The following TUT4 variants were observed in gnomAD, a reference collection of about 807,000 sequenced individuals.
TUT4 encodes terminal uridylyl transferase 4.
Under a neutral mutation model 192.2 loss-of-function variants are expected in TUT4, and 36 were observed. The ratio of observed to expected loss-of-function variants is 0.19; its 90% CI spans 0.14 to 0.25. TUT4 has a LOEUF of 0.25. Among genes scored for constraint, TUT4 ranks in the 10% least tolerant of loss-of-function variants. TUT4 has a pLI of 1.00. For missense variants in TUT4, 1,493 were observed against 1,957.2 expected (o/e 0.76, Z 4.47); for synonymous variants, 618 against 666.0 (o/e 0.93, Z 1.11).
intron 1 of TUT4, among the ~76,000 whole-genome samples, chr1:52,545,966 C>CAAA (rs71041901): frequency 0.062 from 4,481 of 72,194 alleles, 83 homozygotes; most frequent in South Asian, 0.11. Context: ...TACAAAAATA[C>CAAA]AAAAAAAAAA....
chr1:52,452,863 C>T (rs1170325718), intron 20 of TUT4, among the ~76,000 whole-genome samples: 1 of 152,186 alleles, frequency 6.6e-6, no homozygotes, highest in Non-Finnish European at 1.5e-5. Flanking sequence ...GTCAGAAGTT[C>T]TGGAGGGCCT....
Position 52,525,737 on chromosome 1 carries a change from T to C in TUT4, c.544A>G (p.Lys182Glu). 6.2e-7 allele frequency: 1 copy of C among 1,614,230 alleles called. No individual in the cohort carries two copies. The highest frequency in any genetic ancestry group is 1.3e-5 in the African/African-American group (1 of 75,068). ...RQKTELQQIGKKIPSSFTSVD... is the reference protein window; with the variant it reads ...RQKTELQQIGEKIPSSFTSVD... The stretch of plus-strand genomic sequence containing the variant: ...GAAGTAAAGGAGCTTGGAATTTTTT[T>C]TCCAATCTGTTGTAATTCTGTCTTC... Residue 182 changes from lysine (K) to glutamate (E), a missense_variant, in exon 2 of 30, where the codon AAA becomes GAA. Transcript: ENST00000257177.
At chr1:52,491,770 T>C (rs987198944) in intron 7 of TUT4, among the ~76,000 whole-genome samples, 1 of 151,544 alleles carries the variant, frequency 6.6e-6, no homozygotes, top group Admixed American at 6.6e-5. Flanking sequence ...TTCTCAATAG[T>C]ACTTGTTGTA....
chr1:52,461,080 T>C (rs1460950176), intron 19 of TUT4, 54 bp downstream of exon 19: 18 of 1,411,216 alleles, frequency 1.3e-5, no homozygotes, highest in Non-Finnish European at 1.7e-5. Context: ...ACATTAGTTA[T>C]GTTTCATTTT....
intron 20 of TUT4, among the ~76,000 whole-genome samples, chr1:52,450,791 C>T (rs1659150538): frequency 6.6e-6 from 1 of 152,122 alleles, no homozygotes; most frequent in African/African-American, 2.4e-5. Flanking sequence ...ATTTCTATTA[C>T]TTCATGCTAC....
Position 52,457,591 on chromosome 1 carries a change from G to T in TUT4, c.3435+745C>A, listed in dbSNP as rs79267973. 9.3e-3 allele frequency among the ~76,000 whole-genome samples: 1,415 copies of T among 152,242 alleles called. 8 individuals carry two copies. Among genetic ancestry groups the T allele is most frequent in the Non-Finnish European group, 0.014 (928 of 68,006 alleles). On this transcript the variant is annotated intron_variant, in intron 20 of 29. Transcript: ENST00000257177. ...CAAAGATTATGTGAAACCAGAATAT[G>T]TGACTTTTCCAACCAAGTCTGATGC...
intron 15 of TUT4, 112 bp from the exon 16 acceptor site, chr1:52,465,285 A>G: frequency 1.5e-6 from 1 of 675,290 alleles, no homozygotes; most frequent in Non-Finnish European, 2.4e-6. Flanking sequence ...TATGATTTAA[A>G]TTACCTACCA....
chr1:52,529,647 C>A (rs1301377525), intron 1 of TUT4: 1 of 152,094 alleles, frequency 6.6e-6, no homozygotes, highest in Non-Finnish European at 1.5e-5. Flanking sequence ...TGCTGATTCA[C>A]AATTTTGCTT....
chr1:52,493,714 C>T (rs769362572), intron 6 of TUT4, 52 bp from the exon 7 acceptor site: 3 of 1,144,716 alleles, frequency 2.6e-6, no homozygotes, highest in Non-Finnish European at 3.8e-6. Context: ...GTTCGGACAG[C>T]AGAACATTAA....
intron 6 of TUT4, among the ~76,000 whole-genome samples, chr1:52,495,127 A>G (rs1335393750): frequency 6.6e-6 from 1 of 152,190 alleles, no homozygotes; most frequent in African/African-American, 2.4e-5. Context: ...TCTGATTTCA[A>G]AACTCTTCCC....
intron 24 of TUT4, among the ~76,000 whole-genome samples, chr1:52,444,863 T>C (rs1656905362): frequency 1.3e-5 from 2 of 151,190 alleles, no homozygotes; most frequent in South Asian, 4.2e-4. Context: ...CTTGTGATCA[T>C]GTAAATTAAT....
intron 13 of TUT4, among the ~76,000 whole-genome samples, chr1:52,473,476 A>G (rs968128726): frequency 2.6e-5 from 4 of 152,170 alleles, no homozygotes; most frequent in African/African-American, 7.2e-5. Flanking sequence ...TGATGGATGG[A>G]TAGGTTTGTG....
chr1:52,508,615 A>G (rs988815868), intron 4 of TUT4, among the ~76,000 whole-genome samples: 9 of 152,184 alleles, frequency 5.9e-5, no homozygotes, highest in African/African-American at 2.2e-4. Context: ...CAGCCAGAAT[A>G]CAATGTGTTA....
chr1:52,503,212 A>G (rs756956311), intron 4 of TUT4, among the ~76,000 whole-genome samples: 2 of 152,200 alleles, frequency 1.3e-5, no homozygotes, highest in Non-Finnish European at 2.9e-5. Context: ...TAATCAACAA[A>G]TATTTATGGA....
Position 52,505,546 on chromosome 1 carries a change from C to T in TUT4, c.999+4050G>A, listed in dbSNP as rs927104834. Among the ~76,000 whole-genome samples, 8 of 150,604 alleles carry T rather than the reference C, an allele frequency of 5.3e-5. 1 individual carries two copies. The highest frequency in any genetic ancestry group is 7.0e-3 in the Middle Eastern group (2 of 286). On this transcript the variant is annotated intron_variant, in intron 4 of 29. Coordinates refer to ENST00000257177, the MANE Select transcript of TUT4 (RefSeq NM_001009881.3). ...AAGCGATTCTCCTGCCTCAGCCTCT[C>T]GAGTAGCTGGAATTACAGGTGTGGG...
chr1:52,520,683 T>A (rs576893057), intron 2 of TUT4, among the ~76,000 whole-genome samples: 1 of 152,214 alleles, frequency 6.6e-6, no homozygotes. Flanking sequence ...CACTTTCTCA[T>A]TGACACTTTA....
chr1:52,529,350 T>C (rs182734885), intron 1 of TUT4, among the ~76,000 whole-genome samples: 1 of 152,330 alleles, frequency 6.6e-6, no homozygotes, highest in Admixed American at 6.5e-5. Flanking sequence ...CATTTTGCTT[T>C]TATTATTCTT....
At chr1:52,471,295 G>A (rs1665714028) in intron 14 of TUT4, among the ~76,000 whole-genome samples, 1 of 152,122 alleles carries the variant, frequency 6.6e-6, no homozygotes, top group African/African-American at 2.4e-5. Flanking sequence ...GATTACAGGC[G>A]TGGGCCACTG....
At position 52,447,428 on chromosome 1, in the gene TUT4, G is replaced by A. The variant is rs147949736; in HGVS notation, c.3436-761C>T. On this transcript the variant is annotated intron_variant, in intron 20 of 29. Transcript: ENST00000257177. ...CGTGCCACTGCACTCCAGCCTGGGCGACAGGGCGAGACTCCATCTCACCAA... is the reference window on the plus strand; with the variant it reads ...CGTGCCACTGCACTCCAGCCTGGGCAACAGGGCGAGACTCCATCTCACCAA... 3.7e-3 allele frequency among the ~76,000 whole-genome samples: 540 copies of A among 146,882 alleles called. 8 individuals carry two copies. Among genetic ancestry groups the A allele is most frequent in the South Asian group, 0.034 (162 of 4,698 alleles).
Sources: gnomAD v4.1 joint callset for allele counts (sites outside exome capture counted in the v4.1 genomes callset) on GRCh38, gnomAD v4.1.1 for gene constraint, MANE v1.5 for transcripts, NCBI Gene and HGNC (gene_info 2026-07-23, HGNC 2026-07-21) for gene names.